KCNH7: variants seen among roughly 807,000 people sequenced by gnomAD.
KCNH7 encodes potassium voltage-gated channel subfamily H member 7.
A neutral mutation model predicts 120.8 loss-of-function variants in KCNH7; 49 were observed. The ratio of observed to expected loss-of-function variants is 0.41; its 90% CI spans 0.32 to 0.51. The LOEUF (loss-of-function observed/expected upper bound fraction) is 0.51, where lower values mean the gene tolerates loss of function less well. Among genes scored for constraint, KCNH7 ranks in the 20% least tolerant of loss-of-function variants. The probability of loss-of-function intolerance (pLI) is 0.38; values close to 1 mark genes in which losing one functional copy is unlikely to be tolerated. For missense variants in KCNH7, 1,097 were observed against 1,446.6 expected (o/e 0.76, Z 3.92); for synonymous variants, 547 against 516.1 (o/e 1.06, Z -0.81).
intron 2 of KCNH7, among the ~76,000 whole-genome samples, chr2:162,576,911 T>C (rs1006807906): frequency 2.0e-5 from 3 of 151,768 alleles, no homozygotes; most frequent in Non-Finnish European, 4.4e-5. Context: ...TTCTTCTTTA[T>C]TTATTTATTT....
At chr2:162,751,178 T>C (rs1688534690) in intron 2 of KCNH7, among the ~76,000 whole-genome samples, 1 of 152,118 alleles carries the variant, frequency 6.6e-6, no homozygotes, top group South Asian at 2.1e-4. Context: ...ACCTTTCCCT[T>C]AAGAGGAAGT....
intron 2 of KCNH7, among the ~76,000 whole-genome samples, chr2:162,618,157 A>C (rs1683214952): frequency 2.0e-5 from 3 of 152,044 alleles, no homozygotes; most frequent in African/African-American, 2.4e-5. Flanking sequence ...CTAAATAAAT[A>C]CTGCATAATA....
chr2:162,654,177 A>T (rs2105265014), intron 2 of KCNH7, among the ~76,000 whole-genome samples: 1 of 152,126 alleles, frequency 6.6e-6, no homozygotes, highest in South Asian at 2.1e-4. Context: ...GCTCATACAT[A>T]ACAAAGGAAA....
chr2:162,384,140 C>T (rs1036263713), intron 13 of KCNH7, among the ~76,000 whole-genome samples: 1 of 151,746 alleles, frequency 6.6e-6, no homozygotes, highest in African/African-American at 2.4e-5. Flanking sequence ...TTTTCTACAA[C>T]AAAATCTGTA....
chr2:162,763,846 T>C (rs1398642478), intron 2 of KCNH7, among the ~76,000 whole-genome samples: 3 of 151,934 alleles, frequency 2.0e-5, no homozygotes, highest in Non-Finnish European at 4.4e-5. Flanking sequence ...TCAACTACTA[T>C]AGTAGTCTCC....
At chr2:162,580,208 T>G (rs1448602943) in intron 2 of KCNH7, among the ~76,000 whole-genome samples, 2 of 152,066 alleles carry the variant, frequency 1.3e-5, no homozygotes, top group Non-Finnish European at 2.9e-5. Flanking sequence ...ACATTATTTA[T>G]GGTTCACAGC....
chr2:162,825,776 A>T (rs528039261), intron 2 of KCNH7, among the ~76,000 whole-genome samples: 37 of 152,216 alleles, frequency 2.4e-4, no homozygotes, highest in African/African-American at 8.4e-4. Context: ...ATGCATGTTC[A>T]GCAGAAATTT....
chr2:162,512,576 C>A, intron 5 of KCNH7, 78 bp downstream of exon 5: 1 of 1,283,762 alleles, frequency 7.8e-7, no homozygotes, highest in Non-Finnish European at 1.1e-6. Context: ...CTGAACAGGG[C>A]ATACAGCAGG....
intron 2 of KCNH7, among the ~76,000 whole-genome samples, chr2:162,681,894 CA>C (rs1030349152): frequency 4.7e-5 from 7 of 150,340 alleles, no homozygotes; most frequent in Non-Finnish European, 1.0e-4. Flanking sequence ...CCTTATAAAA[CA>C]AAAGTCATGA....
chr2:162,685,541 C>T (rs1478764836), intron 2 of KCNH7, among the ~76,000 whole-genome samples: 1 of 151,952 alleles, frequency 6.6e-6, no homozygotes, highest in Admixed American at 6.6e-5. Context: ...GGATTATTGG[C>T]AATGGCTCTA....
At chr2:162,821,560 G>GA (rs1482051390) in intron 2 of KCNH7, among the ~76,000 whole-genome samples, 1 of 152,148 alleles carries the variant, frequency 6.6e-6, no homozygotes, top group African/African-American at 2.4e-5. Context: ...CATACATTTT[G>GA]AAAAATGTCA....
chr2:162,568,473 A>T (rs150305087), intron 2 of KCNH7, among the ~76,000 whole-genome samples: 360 of 152,172 alleles, frequency 2.4e-3, no homozygotes, highest in African/African-American at 8.2e-3. Flanking sequence ...TTCTCAGAAA[A>T]TATCCTCATA....
At chr2:162,539,047 A>C (rs1462995229) in intron 2 of KCNH7, among the ~76,000 whole-genome samples, 3 of 152,124 alleles carry the variant, frequency 2.0e-5, no homozygotes, top group African/African-American at 7.2e-5. Context: ...TTCAGTCTTC[A>C]GCTTCTTCAG....
In KCNH7 at chr2:162,838,546, C is replaced by G. The variant is rs1198937109; in HGVS notation, c.-28G>C. 4.4e-6 allele frequency: 7 copies of G among 1,587,788 alleles called. No homozygotes were observed. Among genetic ancestry groups the G allele is most frequent in the African/African-American group, 4.0e-5 (3 of 74,540 alleles). On this transcript the variant is annotated 5_prime_UTR_variant, in exon 1 of 16. Transcript: ENST00000332142. Reference sequence around the variant, plus strand: ...TGGCCCCGGTCTTCCGAGGAGCGCTCCCCCGGAGCTCTGGAGTTCTCCCGG... The same window carrying G: ...TGGCCCCGGTCTTCCGAGGAGCGCTGCCCCGGAGCTCTGGAGTTCTCCCGG...
At chr2:162,813,909 G>A (rs562414403) in intron 2 of KCNH7, among the ~76,000 whole-genome samples, 1 of 152,216 alleles carries the variant, frequency 6.6e-6, no homozygotes, top group South Asian at 2.1e-4. Context: ...TTGACTAGCT[G>A]ATATTGAGAC....
chr2:162,409,095 C>T (rs1430944002), intron 9 of KCNH7, among the ~76,000 whole-genome samples: 1 of 151,414 alleles, frequency 6.6e-6, no homozygotes, highest in African/African-American at 2.4e-5. Flanking sequence ...GAGGCAAATG[C>T]TGAAAATGAA....
At chr2:162,564,446 C>T (rs1693177958) in intron 2 of KCNH7, among the ~76,000 whole-genome samples, 1 of 152,128 alleles carries the variant, frequency 6.6e-6, no homozygotes, top group Non-Finnish European at 1.5e-5. Context: ...CAACGTAAAG[C>T]AAGCCACATC....
intron 6 of KCNH7, among the ~76,000 whole-genome samples, chr2:162,463,543 A>G (rs1167085634): frequency 1.3e-5 from 2 of 151,988 alleles, no homozygotes; most frequent in African/African-American, 4.8e-5. Context: ...ACGACCCCAC[A>G]TGCATTGCTG....
chr2:162,681,509 A>G (rs751768247), intron 2 of KCNH7, among the ~76,000 whole-genome samples: 89 of 151,878 alleles, frequency 5.9e-4, no homozygotes, highest in Non-Finnish European at 1.0e-3. Flanking sequence ...AACTAAATCA[A>G]TTTAAGAGAA....
Sources: allele counts gnomAD v4.1 joint callset (sites outside exome capture counted in the v4.1 genomes callset), GRCh38; gene constraint gnomAD v4.1.1; transcripts MANE v1.5; gene names NCBI Gene and HGNC (gene_info 2026-07-23, HGNC 2026-07-21).